ARID1B: variants seen among roughly 807,000 people sequenced by gnomAD.
The protein encoded by ARID1B is AT-rich interaction domain 1B.
In ARID1B, 30 loss-of-function variants were observed where a neutral mutation model predicts 212.3. That is an observed-to-expected ratio of 0.14 (90% CI 0.11 to 0.19). ARID1B has a LOEUF of 0.19. Ranked by LOEUF, ARID1B falls within the 10% of genes least tolerant of loss-of-function variation. The probability of loss-of-function intolerance (pLI) is 1.00; values close to 1 mark genes in which losing one functional copy is unlikely to be tolerated. For synonymous variants in ARID1B, 1,402 were observed against 1,301.7 expected, an observed-to-expected ratio of 1.08 and a Z score of -1.66; for missense variants, 2,891 against 3,204.0, an observed-to-expected ratio of 0.90 and a Z score of 2.36.
At chr6:157,065,843 G>A (rs1263342647) in intron 4 of ARID1B, among the ~76,000 whole-genome samples, 1 of 152,178 alleles carries the variant, frequency 6.6e-6, no homozygotes, top group Non-Finnish European at 1.5e-5. Flanking sequence ...ATTTTTTAAT[G>A]TAAGTATTGT....
At chr6:156,952,512 G>A (rs1793662341) in intron 4 of ARID1B, among the ~76,000 whole-genome samples, 1 of 152,234 alleles carries the variant, frequency 6.6e-6, no homozygotes, top group Admixed American at 6.5e-5. Context: ...TGCCCCCCAT[G>A]GTTGGTCGTG....
Position 156,778,310 on chromosome 6 carries a change from G to A in ARID1B, c.630G>A (p.Gln210=), listed in dbSNP as rs777300641. 6.5e-7 allele frequency: 1 copy of A among 1,545,266 alleles called. No homozygotes were observed. Among genetic ancestry groups the A allele is most frequent in the Non-Finnish European group, 8.7e-7 (1 of 1,146,750 alleles). Residue 210 remains glutamine, a synonymous_variant, in exon 1 of 20, where the codon CAG becomes CAA. Coordinates refer to ENST00000636930, the MANE Select transcript of ARID1B (RefSeq NM_001374828.1). ...QQQQQQQQQQ[Q]QQQQHPISNN... ...AGCAGCAACAGCAGCAGCAGCAGCA[G>A]CAGCAACAGCAACATCCCATTTCCA...
At chr6:156,925,101 T>C (rs564647120) in intron 3 of ARID1B, among the ~76,000 whole-genome samples, 24 of 152,196 alleles carry the variant, frequency 1.6e-4, no homozygotes, top group Non-Finnish European at 3.2e-4. Flanking sequence ...GCCTCTAGGA[T>C]TCTTGCTTCT....
chr6:156,977,836 C>G (rs1018183551), intron 4 of ARID1B, among the ~76,000 whole-genome samples: 5 of 152,196 alleles, frequency 3.3e-5, no homozygotes, highest in Non-Finnish European at 7.3e-5. Context: ...AGGCATATTA[C>G]TTGGAAACAG....
rs543969746 is a variant in ARID1B, at chr6:156,805,007, CAA to C, written c.1792-24219_1792-24218del. Among the ~76,000 whole-genome samples the C allele has an allele frequency of 9.2e-4, 140 of 151,710 alleles. No homozygotes were observed. In the Middle Eastern group the frequency reaches 0.01, roughly 11 times the overall value. ...CTTATAAAGTGACATGTAAATAGGA[CAA>C]GAGTTTAACAAATGTAAACATCTCA... On this transcript the variant is annotated intron_variant, in intron 1 of 19. Transcript: ENST00000636930.
chr6:156,813,845 G>A (rs1781781662), intron 1 of ARID1B, among the ~76,000 whole-genome samples: 1 of 152,112 alleles, frequency 6.6e-6, no homozygotes, highest in South Asian at 2.1e-4. Flanking sequence ...AGCAAGAACT[G>A]GGAGCTGTTG....
intron 4 of ARID1B, among the ~76,000 whole-genome samples, chr6:156,970,052 T>G (rs773425970): frequency 1.2e-5 from 1 of 82,606 alleles, no homozygotes; most frequent in Non-Finnish European, 3.1e-5. Flanking sequence ...TTTGACTTTG[T>G]TTTTTTTGTG....
chr6:156,880,164 G>T (rs745849747), intron 2 of ARID1B, among the ~76,000 whole-genome samples: 16 of 152,204 alleles, frequency 1.1e-4, no homozygotes, highest in Non-Finnish European at 1.9e-4. Flanking sequence ...AGACATCTTA[G>T]TGTGAGCAAA....
intron 1 of ARID1B, among the ~76,000 whole-genome samples, chr6:156,787,136 A>AAATATAATC (rs1430218426): frequency 6.6e-6 from 1 of 152,176 alleles, no homozygotes; most frequent in African/African-American, 2.4e-5. Flanking sequence ...AAAAGAAGGA[A>AAATATAATC]AATATAATCA....
intron 8 of ARID1B, among the ~76,000 whole-genome samples, chr6:157,152,781 TGTTAGGTTGAA>T (rs1347138986): frequency 2.0e-5 from 3 of 152,248 alleles, no homozygotes; most frequent in Admixed American, 6.5e-5. Flanking sequence ...TTGATGGCTC[TGTTAGGTTGAA>T]GTTAGGTTGG....
intron 4 of ARID1B, among the ~76,000 whole-genome samples, chr6:156,948,819 T>C (rs1202613124): frequency 6.6e-6 from 1 of 152,256 alleles, no homozygotes; most frequent in East Asian, 1.9e-4. Context: ...AAATATCTAC[T>C]TTTGGGATAC....
chr6:157,033,631 G>C (rs1169367913), intron 4 of ARID1B, among the ~76,000 whole-genome samples: 3 of 152,132 alleles, frequency 2.0e-5, no homozygotes, highest in Admixed American at 2.0e-4. Flanking sequence ...TGGTGGAGGT[G>C]GGCCGTAGGG....
intron 13 of ARID1B, chr6:157,184,794 G>C: frequency 3.3e-6 from 1 of 307,618 alleles, no homozygotes; most frequent in Non-Finnish European, 6.2e-6. Context: ...TGGCCAGTTT[G>C]AATACATGTG....
chr6:157,107,286 A>G (rs1258408454), intron 5 of ARID1B, among the ~76,000 whole-genome samples: 1 of 152,164 alleles, frequency 6.6e-6, no homozygotes, highest in East Asian at 1.9e-4. Context: ...CCCAGAAAAA[A>G]GACATGACGC....
chr6:156,914,357 A>G (rs1219300227), intron 3 of ARID1B, among the ~76,000 whole-genome samples: 36 of 152,108 alleles, frequency 2.4e-4, no homozygotes, highest in Admixed American at 2.2e-3. Context: ...CATTCCTTCC[A>G]TCCTTCGCCT....
intron 4 of ARID1B, among the ~76,000 whole-genome samples, chr6:156,998,045 T>C (rs1351857554): frequency 6.6e-6 from 1 of 152,214 alleles, no homozygotes; most frequent in Non-Finnish European, 1.5e-5. Context: ...TCATCGTGAC[T>C]ACTCCAGAGC....
intron 6 of ARID1B, among the ~76,000 whole-genome samples, chr6:157,126,693 A>G (rs1320719726): frequency 6.6e-6 from 1 of 152,192 alleles, no homozygotes; most frequent in Non-Finnish European, 1.5e-5. Flanking sequence ...TGCTTTGTCT[A>G]AAGTTTGAAT....
chr6:156,918,689 A>T (rs1208069965), intron 3 of ARID1B, among the ~76,000 whole-genome samples: 1 of 152,158 alleles, frequency 6.6e-6, no homozygotes, highest in Non-Finnish European at 1.5e-5. Context: ...TGGGTCACTT[A>T]GTGGCTGAGC....
intron 1 of ARID1B, among the ~76,000 whole-genome samples, chr6:156,818,190 G>A (rs1782109683): frequency 7.4e-6 from 1 of 135,352 alleles, no homozygotes; most frequent in Non-Finnish European, 1.5e-5. Context: ...GCACATTACA[G>A]TAAGAGTCAA....
Sources: gnomAD v4.1 joint callset for allele counts (sites outside exome capture counted in the v4.1 genomes callset) on GRCh38, gnomAD v4.1.1 for gene constraint, MANE v1.5 for transcripts, NCBI Gene and HGNC (gene_info 2026-07-23, HGNC 2026-07-21) for gene names.